The following ARFIP1 variants were observed in gnomAD, a reference collection of about 807,000 sequenced individuals.
ARFIP1 encodes arfaptin-1.
In ARFIP1, 24 loss-of-function variants were observed where a neutral mutation model predicts 42.5. The ratio of observed to expected loss-of-function variants is 0.57; its 90% CI spans 0.41 to 0.80. The LOEUF is 0.80. ARFIP1 is among the 30% of genes least tolerant of loss of function. The pLI is 0.00. For synonymous variants in ARFIP1, 141 were observed against 153.7 expected, an observed-to-expected ratio of 0.92 and a Z score of 0.61; for missense variants, 354 against 434.0, an observed-to-expected ratio of 0.82 and a Z score of 1.64.
chr4:152,840,570 C>G (rs1055995655), intron 2 of ARFIP1, among the ~76,000 whole-genome samples: 1 of 152,156 alleles, frequency 6.6e-6, no homozygotes, highest in Non-Finnish European at 1.5e-5. Flanking sequence ...GAATAGCTAT[C>G]CCTGCTCGCT....
intron 2 of ARFIP1, among the ~76,000 whole-genome samples, chr4:152,834,929 G>A (rs1731532122): frequency 6.6e-6 from 1 of 152,226 alleles, no homozygotes; most frequent in Admixed American, 6.5e-5. Flanking sequence ...ATTCTCCAAA[G>A]TGGCAGCTGG....
chr4:152,849,517 C>G (rs560154547), intron 2 of ARFIP1, among the ~76,000 whole-genome samples: 2 of 152,148 alleles, frequency 1.3e-5, no homozygotes, highest in South Asian at 4.2e-4. Flanking sequence ...GTACATGATT[C>G]AAGCTTTTGA....
At chr4:152,795,162 TTTTGTTTGTTTG>T (rs142814353) in intron 1 of ARFIP1, among the ~76,000 whole-genome samples, 15 of 151,866 alleles carry the variant, frequency 9.9e-5, no homozygotes, top group African/African-American at 1.7e-4. Flanking sequence ...CTTCCGGTGT[TTTTGTTTGTTTG>T]TTTGTTTGTT....
intron 1 of ARFIP1, among the ~76,000 whole-genome samples, chr4:152,791,287 C>G (rs1406522202): frequency 6.6e-6 from 1 of 152,022 alleles, no homozygotes; most frequent in African/African-American, 2.4e-5. Flanking sequence ...GAAAATGATT[C>G]GTTTTTCTTC....
At chr4:152,905,467 T>C (rs1738236155) in intron 8 of ARFIP1, among the ~76,000 whole-genome samples, 1 of 151,830 alleles carries the variant, frequency 6.6e-6, no homozygotes, top group East Asian at 1.9e-4. Flanking sequence ...TTGCCATCTG[T>C]GTTTTCCTTG....
rs923176963 is a variant in ARFIP1, at chr4:152,905,840, A to C, written c.967-4224A>C. Among the ~76,000 whole-genome samples, 6 of 151,944 alleles carry C rather than the reference A, an allele frequency of 3.9e-5. No individual in the cohort carries two copies. The East Asian group carries it at 1.2e-3, about 29-fold the overall frequency. On this transcript the variant is annotated intron_variant, in intron 8 of 8. Coordinates refer to ENST00000353617, the MANE Select transcript of ARFIP1 (RefSeq NM_001025595.3). ...AGTTCTGGGATTACAGGCATGGGCC[A>C]CCGTGCCTGGCCAAGAATTCTTTAT...
At chr4:152,785,780 G>A (rs1730767463) in intron 1 of ARFIP1, among the ~76,000 whole-genome samples, 1 of 152,188 alleles carries the variant, frequency 6.6e-6, no homozygotes, top group Non-Finnish European at 1.5e-5. Flanking sequence ...ACTGTCTAAT[G>A]CCAGGGATGC....
At chr4:152,864,334 CA>C (rs1296960464) in intron 3 of ARFIP1, among the ~76,000 whole-genome samples, 3 of 152,080 alleles carry the variant, frequency 2.0e-5, no homozygotes, top group Non-Finnish European at 4.4e-5. Context: ...TTCTTTTAAC[CA>C]AATCAGCAAT....
intron 1 of ARFIP1, among the ~76,000 whole-genome samples, chr4:152,788,307 A>T (rs1475161421): frequency 6.6e-6 from 1 of 152,188 alleles, no homozygotes; most frequent in East Asian, 1.9e-4. Flanking sequence ...TTTGTAATAG[A>T]CCCTTTTATT....
At chr4:152,857,384 G>A (rs1733529671) in intron 2 of ARFIP1, among the ~76,000 whole-genome samples, 1 of 152,094 alleles carries the variant, frequency 6.6e-6, no homozygotes. Flanking sequence ...CCAATAAATT[G>A]CCTATGGCTG....
At chr4:152,850,590 G>T (rs1732900621) in intron 2 of ARFIP1, 1 of 152,164 alleles carries the variant, frequency 6.6e-6, no homozygotes, top group Admixed American at 6.6e-5. Context: ...AGGATCGCCT[G>T]CATCAGAATC....
chr4:152,831,447 T>A (rs1307745206), intron 2 of ARFIP1, among the ~76,000 whole-genome samples: 1 of 152,188 alleles, frequency 6.6e-6, no homozygotes, highest in Non-Finnish European at 1.5e-5. Flanking sequence ...ATTTTTTTTC[T>A]TCTTCTTCTT....
At chr4:152,907,386 T>C (rs956219779) in intron 8 of ARFIP1, among the ~76,000 whole-genome samples, 2 of 152,120 alleles carry the variant, frequency 1.3e-5, no homozygotes, top group Non-Finnish European at 2.9e-5. Context: ...AGACAAAATA[T>C]AAAGAGTAAC....
intron 1 of ARFIP1, among the ~76,000 whole-genome samples, chr4:152,787,083 A>G (rs768644656): frequency 1.3e-5 from 2 of 152,204 alleles, no homozygotes; most frequent in African/African-American, 2.4e-5. Flanking sequence ...CATGAAGGTA[A>G]GGTCCATATC....
intron 5 of ARFIP1, among the ~76,000 whole-genome samples, chr4:152,879,810 T>C (rs762361239): frequency 1.3e-5 from 2 of 152,010 alleles, no homozygotes; most frequent in South Asian, 2.1e-4. Context: ...GGCTGCACCA[T>C]TGCACTCCAG....
chr4:152,809,309 A>G (rs1239221053), intron 1 of ARFIP1, among the ~76,000 whole-genome samples: 1 of 152,188 alleles, frequency 6.6e-6, no homozygotes, highest in Non-Finnish European at 1.5e-5. Context: ...ATGTGTATTC[A>G]TAGCAGCTTT....
chr4:152,872,019 T>C (rs1734925920), intron 4 of ARFIP1, among the ~76,000 whole-genome samples: 2 of 152,194 alleles, frequency 1.3e-5, no homozygotes, highest in African/African-American at 4.8e-5. Context: ...TCTATTGTTG[T>C]TGTAGTCTGC....
chr4:152,790,918 T>A (rs1444390167), intron 1 of ARFIP1, among the ~76,000 whole-genome samples: 1 of 151,010 alleles, frequency 6.6e-6, no homozygotes, highest in Non-Finnish European at 1.5e-5. Flanking sequence ...TTTTTTTTTT[T>A]ATAGAGACGA....
rs1738255460 is a variant in ARFIP1, at chr4:152,905,545, G to GTTTTTTTTGTT, written c.967-4511_967-4510insGTTTTTTTTTT. 6.6e-5 allele frequency among the ~76,000 whole-genome samples: 2 copies of GTTTTTTTTGTT among 30,372 alleles called. 1 individual carries two copies. Among genetic ancestry groups the GTTTTTTTTGTT allele is most frequent in the Non-Finnish European group, 1.2e-4 (2 of 17,174 alleles). 19.9% of individuals were successfully genotyped at this position (30,372 alleles called of 152,430 possible). A position where few individuals can be genotyped will look rare whatever the true frequency, so the allele number is the denominator to read the frequency against. On this transcript the variant is annotated intron_variant, in intron 8 of 8. Coordinates refer to ENST00000353617, the MANE Select transcript of ARFIP1 (RefSeq NM_001025595.3). Reference sequence around the variant, plus strand: ...TTATTCTTACTGAATTGTAAGAATTGTTTTTTTTTTTTTTTTTTTTTTTTT... The same window carrying GTTTTTTTTGTT: ...TTATTCTTACTGAATTGTAAGAATTGTTTTTTTTGTTTTTTTTTTTTTTTTTTTTTTTTTTT...
Sources: gnomAD v4.1 joint callset for allele counts (sites outside exome capture counted in the v4.1 genomes callset) on GRCh38, gnomAD v4.1.1 for gene constraint, MANE v1.5 for transcripts, NCBI Gene and HGNC (gene_info 2026-07-23, HGNC 2026-07-21) for gene names.